The following CPA6 variants were observed in gnomAD, a reference collection of about 807,000 sequenced individuals.
CPA6 encodes the protein carboxypeptidase B.
A neutral mutation model predicts 63.3 loss-of-function variants in CPA6; 58 were observed. The observed-to-expected ratio is 0.92, with a 90% CI of 0.74 to 1.14. The LOEUF is 1.14. CPA6 is among the 50% of genes most tolerant of loss of function. CPA6 has a pLI of 0.00. For missense variants in CPA6, 565 were observed against 526.6 expected, an observed-to-expected ratio of 1.07 and a Z score of -0.71; for synonymous variants, 185 against 179.0, an observed-to-expected ratio of 1.03 and a Z score of -0.27.
chr8:67,536,841 T>C (rs1489107162), intron 2 of CPA6, among the ~76,000 whole-genome samples: 3 of 152,228 alleles, frequency 2.0e-5, no homozygotes, highest in Non-Finnish European at 2.9e-5. Context: ...TTGTCATAAA[T>C]AGCTCTTATT....
chr8:67,592,331 T>C (rs1287088215), intron 2 of CPA6, among the ~76,000 whole-genome samples: 19 of 152,254 alleles, frequency 1.2e-4, no homozygotes, highest in Admixed American at 1.2e-3. Context: ...TTGTCAAGGA[T>C]ATTGGTCTAA....
At chr8:67,654,519 G>A (rs777223865) in intron 1 of CPA6, among the ~76,000 whole-genome samples, 1 of 152,128 alleles carries the variant, frequency 6.6e-6, no homozygotes, top group Non-Finnish European at 1.5e-5. Flanking sequence ...AGATTTTCTA[G>A]TTTATTTGCG....
chr8:67,469,081 T>C (rs988779864), intron 8 of CPA6, among the ~76,000 whole-genome samples: 3 of 152,200 alleles, frequency 2.0e-5, no homozygotes, highest in African/African-American at 7.2e-5. Flanking sequence ...TGTGAATACA[T>C]GTGTGCGTAT....
intron 1 of CPA6, among the ~76,000 whole-genome samples, chr8:67,738,577 T>C (rs1276941139): frequency 6.6e-6 from 1 of 152,106 alleles, no homozygotes; most frequent in Non-Finnish European, 1.5e-5. Flanking sequence ...AACCCAATAG[T>C]ATCCTTACTA....
chr8:67,462,408 AG>A (rs1397111239), intron 8 of CPA6, among the ~76,000 whole-genome samples: 1 of 152,198 alleles, frequency 6.6e-6, no homozygotes, highest in Non-Finnish European at 1.5e-5. Context: ...TTACTTAACT[AG>A]TCCTCTGTTG....
At chr8:67,506,959 T>A (rs1215149595) in intron 5 of CPA6, 71 bp from the exon 6 acceptor site, 3 of 1,103,770 alleles carry the variant, frequency 2.7e-6, no homozygotes. Context: ...TTTAATAAGG[T>A]TTCAGCATAA....
chr8:67,615,192 C>T lies in CPA6; in HGVS notation c.192+8984G>A, dbSNP rs116481389. On this transcript the variant is annotated intron_variant, in intron 2 of 10. Coordinates refer to ENST00000297770, the MANE Select transcript of CPA6 (RefSeq NM_020361.5). ...CAGGGGAAATCTCTGCAGATTTATA[C>T]AGCTAGAAAAATGAAATGGTTGAAA... Among the ~76,000 whole-genome samples, 1,385 of 152,208 alleles carry T rather than the reference C, an allele frequency of 9.1e-3. 6 individuals carry two copies. Among genetic ancestry groups the T allele is most frequent in the East Asian group, 0.026 (133 of 5,174 alleles).
chr8:67,553,112 T>C (rs1411548877), intron 2 of CPA6, among the ~76,000 whole-genome samples: 1 of 152,220 alleles, frequency 6.6e-6, no homozygotes, highest in African/African-American at 2.4e-5. Flanking sequence ...AAATTGACTA[T>C]GCTGTGAAGT....
chr8:67,496,838 C>T (rs549678242), intron 6 of CPA6, among the ~76,000 whole-genome samples: 2 of 151,898 alleles, frequency 1.3e-5, no homozygotes, highest in South Asian at 2.1e-4. Flanking sequence ...GGATTACAGG[C>T]GTGAGCCACG....
chr8:67,696,233 CA>C (rs145103458), intron 1 of CPA6, among the ~76,000 whole-genome samples: 12,186 of 152,194 alleles, frequency 0.08, 876 homozygotes, highest in African/African-American at 0.18. Context: ...TTTGAATAAA[CA>C]CTCATAATGT....
At chr8:67,613,946 G>A (rs544053331) in intron 2 of CPA6, among the ~76,000 whole-genome samples, 4 of 152,172 alleles carry the variant, frequency 2.6e-5, no homozygotes, top group East Asian at 1.9e-4. Flanking sequence ...GTGGGTCGTC[G>A]GAGAGGAGTC....
chr8:67,437,927 G>T (rs1380310032), intron 8 of CPA6, among the ~76,000 whole-genome samples: 1 of 121,436 alleles, frequency 8.2e-6, no homozygotes, highest in South Asian at 2.2e-4. Flanking sequence ...TTTCTGGGGG[G>T]TGGGGGGTGA....
At chr8:67,554,961 G>A (rs1001687358) in intron 2 of CPA6, among the ~76,000 whole-genome samples, 19 of 152,144 alleles carry the variant, frequency 1.2e-4, no homozygotes, top group African/African-American at 4.1e-4. Context: ...CCAATCGTCT[G>A]AATCACAAGC....
At chr8:67,714,610 G>A (rs760513768) in intron 1 of CPA6, among the ~76,000 whole-genome samples, 11 of 152,136 alleles carry the variant, frequency 7.2e-5, no homozygotes, top group Non-Finnish European at 1.5e-4. Context: ...TGAGGTCGGG[G>A]GCTGCAGTCA....
chr8:67,632,062 CATTAAT>C (rs1815346808), intron 1 of CPA6, among the ~76,000 whole-genome samples: 1 of 152,088 alleles, frequency 6.6e-6, no homozygotes, highest in African/African-American at 2.4e-5. Flanking sequence ...ATTCTGGACA[CATTAAT>C]ATTTTATTTC....
At chr8:67,616,501 ATGTGTGTGTGTGTG>A (rs4009134) in intron 2 of CPA6, among the ~76,000 whole-genome samples, 3,075 of 127,044 alleles carry the variant, frequency 0.024, 52 homozygotes, top group East Asian at 0.051. Context: ...GGCAAATTGA[ATGTGTGTGTGTGTG>A]TGTGTGTGTG....
intron 3 of CPA6, among the ~76,000 whole-genome samples, chr8:67,514,787 T>C (rs1036013416): frequency 1.3e-5 from 2 of 152,236 alleles, no homozygotes; most frequent in African/African-American, 4.8e-5. Flanking sequence ...TGAGCACCTA[T>C]AGATATAATT....
chr8:67,479,792 G>A (rs1811318709), intron 8 of CPA6, among the ~76,000 whole-genome samples: 1 of 152,080 alleles, frequency 6.6e-6, no homozygotes, highest in Admixed American at 6.5e-5. Flanking sequence ...AGCTAGTATA[G>A]CTCTCTCCAA....
intron 1 of CPA6, among the ~76,000 whole-genome samples, chr8:67,673,907 C>T (rs9643585): frequency 2.0e-5 from 3 of 152,208 alleles, no homozygotes; most frequent in East Asian, 3.9e-4. Flanking sequence ...ATATATAGAA[C>T]ATTCTAGAAA....
Sources: allele counts gnomAD v4.1 joint callset (sites outside exome capture counted in the v4.1 genomes callset), GRCh38; gene constraint gnomAD v4.1.1; transcripts MANE v1.5; gene names NCBI Gene and HGNC (gene_info 2026-07-23, HGNC 2026-07-21).